ACOXL: variants seen among roughly 807,000 people sequenced by gnomAD.
ACOXL encodes the protein acyl-CoA oxidase like, also known as acyl-coenzyme A oxidase-like protein.
Under a neutral mutation model 71.9 loss-of-function variants are expected in ACOXL, and 70 were observed. The ratio of observed to expected loss-of-function variants is 0.97; its 90% CI spans 0.80 to 1.19. The LOEUF is 1.19. ACOXL is among the 50% of genes most tolerant of loss of function. ACOXL has a pLI of 0.00. For synonymous variants in ACOXL, 253 were observed against 281.6 expected (o/e 0.90, Z 1.02); for missense variants, 703 against 736.3 (o/e 0.95, Z 0.52).
chr2:111,098,393 C>G (rs2068927147), intron 17 of ACOXL: 1 of 152,204 alleles, frequency 6.6e-6, no homozygotes, highest in Admixed American at 6.5e-5. Context: ...TCAAAGTTAT[C>G]CTGGGCCTCA....
intron 14 of ACOXL, among the ~76,000 whole-genome samples, chr2:111,031,096 A>G (rs774297977): frequency 6.6e-6 from 1 of 152,218 alleles, no homozygotes; most frequent in Admixed American, 6.5e-5. Context: ...TGACATCCCC[A>G]TCACTCTGGA....
chr2:111,086,316 C>T (rs1400581453), intron 16 of ACOXL, among the ~76,000 whole-genome samples: 3 of 152,146 alleles, frequency 2.0e-5, no homozygotes, highest in Non-Finnish European at 4.4e-5. Flanking sequence ...AAATACTCAA[C>T]AAAATCTTAG....
At position 110,970,701 on chromosome 2, in the gene ACOXL, G is replaced by A. The variant is rs76140906; in HGVS notation, c.1060-16407G>A. ...AAAACTGTAGCTTTCTGACAAAGTTGCAAAAGCAATCCAGTGGAGGAAAGA... is the reference window on the plus strand; with the variant it reads ...AAAACTGTAGCTTTCTGACAAAGTTACAAAAGCAATCCAGTGGAGGAAAGA... On this transcript the variant is annotated intron_variant, in intron 12 of 17. Coordinates refer to ENST00000439055, the MANE Select transcript of ACOXL (RefSeq NM_001142807.4). 4.2e-3 allele frequency among the ~76,000 whole-genome samples: 645 copies of A among 152,274 alleles called. 24 individuals carry two copies. The East Asian group carries it at 0.078, about 18-fold the overall frequency.
At chr2:110,838,623 A>C (rs2105725385) in intron 9 of ACOXL, among the ~76,000 whole-genome samples, 1 of 152,298 alleles carries the variant, frequency 6.6e-6, no homozygotes, top group Non-Finnish European at 1.5e-5. Context: ...TACATATGGA[A>C]GCTTCTTACA....
Position 110,805,303 on chromosome 2 carries a change from A to G in ACOXL, c.661A>G (p.Ile221Val), listed in dbSNP as rs746913084. 34 of 1,614,096 alleles carry G rather than the reference A, an allele frequency of 2.1e-5. No homozygotes were observed. Among genetic ancestry groups the G allele is most frequent in the East Asian group, 4.5e-5 (2 of 44,890 alleles). ...VAPDGQYHSP[I>V]RNKSARFNAM... ...TCCAGATGGACAGTACCATTCGCCT[A>G]TTAGGAACAAGAGTGCAAGATTCAA... Residue 221 changes from isoleucine to valine, a missense_variant, in exon 9 of 18, where the codon ATT (isoleucine) becomes GTT (valine). Transcript: ENST00000439055.
chr2:111,080,247 T>TTGTC (rs1463965671), intron 16 of ACOXL, among the ~76,000 whole-genome samples: 1 of 152,222 alleles, frequency 6.6e-6, no homozygotes, highest in Non-Finnish European at 1.5e-5. Flanking sequence ...TAGTTATTTC[T>TTGTC]TGTCTTCTGC....
chr2:110,739,622 CAGTT>C (rs1677268480), intron 1 of ACOXL, among the ~76,000 whole-genome samples: 1 of 152,236 alleles, frequency 6.6e-6, no homozygotes, highest in South Asian at 2.1e-4. Context: ...GTGGGTCCCA[CAGTT>C]AGCCTCCCAT....
intron 9 of ACOXL, among the ~76,000 whole-genome samples, chr2:110,808,072 A>G: frequency 6.6e-6 from 1 of 152,128 alleles, no homozygotes; most frequent in East Asian, 1.9e-4. Context: ...GAAATGCCAC[A>G]CCAAATTAAG....
Position 110,768,444 on chromosome 2 carries a change from A to C in ACOXL, c.55A>C (p.Lys19Gln). ...GTTTGCCATGGACCTGCCTCTGTTA[A>C]AACGTGCAGGTCAGGATCTGGTAAG... Reference protein sequence around the residue: ...VKFAMDLPLLKRAGQDLAEKT... With the variant: ...VKFAMDLPLLQRAGQDLAEKT... Residue 19 changes from lysine to glutamine, a missense_variant, in exon 2 of 18, where the codon AAA becomes CAA. Transcript: ENST00000439055. 6.2e-7 allele frequency: 1 copy of C among 1,613,706 alleles called. No homozygotes were observed. The highest frequency in any genetic ancestry group is 1.1e-5 in the South Asian group (1 of 91,058).
At chr2:110,937,664 G>A (rs62159557) in intron 12 of ACOXL, among the ~76,000 whole-genome samples, 33 of 152,300 alleles carry the variant, frequency 2.2e-4, no homozygotes, top group African/African-American at 7.2e-4. Context: ...GTGAAGTGTG[G>A]ACTTGAGTCT....
intron 12 of ACOXL, among the ~76,000 whole-genome samples, chr2:110,946,010 T>C (rs2061093691): frequency 6.6e-6 from 1 of 152,250 alleles, no homozygotes; most frequent in Non-Finnish European, 1.5e-5. Context: ...GTTTGTGTCA[T>C]CTCTGATTTC....
At chr2:110,812,917 G>A (rs1407913325) in intron 9 of ACOXL, among the ~76,000 whole-genome samples, 3 of 152,212 alleles carry the variant, frequency 2.0e-5, no homozygotes, top group African/African-American at 7.2e-5. Context: ...TGGAGCCTCT[G>A]TGGTTACACT....
intron 1 of ACOXL, among the ~76,000 whole-genome samples, chr2:110,749,194 C>T (rs1002533077): frequency 3.3e-5 from 5 of 152,088 alleles, no homozygotes; most frequent in Non-Finnish European, 5.9e-5. Context: ...TTGAGAAAAC[C>T]ATGCACAAAG....
intron 16 of ACOXL, among the ~76,000 whole-genome samples, chr2:111,073,205 A>G (rs1269285363): frequency 6.6e-6 from 1 of 152,166 alleles, no homozygotes; most frequent in African/African-American, 2.4e-5. Flanking sequence ...ATTGTATAGT[A>G]TGTATTTTCA....
chr2:110,737,053 CAT>C (rs910522723), intron 1 of ACOXL, among the ~76,000 whole-genome samples: 1 of 152,190 alleles, frequency 6.6e-6, no homozygotes, highest in Non-Finnish European at 1.5e-5. Context: ...TTCATATACA[CAT>C]GTGCACATCA....
chr2:110,807,083 G>A lies in ACOXL; in HGVS notation c.753+1688G>A, dbSNP rs577082892. 5.3e-5 allele frequency among the ~76,000 whole-genome samples: 8 copies of A among 152,358 alleles called. No individual in the cohort carries two copies. The South Asian group carries it at 1.5e-3, about 28-fold the overall frequency. Reference sequence around the variant, plus strand: ...CCCCTGCCAGGCCCAGGAGGGTCTTGGGGGCCACATTCGCATCAGTTCCTT... The same window carrying A: ...CCCCTGCCAGGCCCAGGAGGGTCTTAGGGGCCACATTCGCATCAGTTCCTT... On this transcript the variant is annotated intron_variant, in intron 9 of 17. Coordinates refer to ENST00000439055, the MANE Select transcript of ACOXL (RefSeq NM_001142807.4).
chr2:111,073,499 G>A (rs1284562564), intron 16 of ACOXL, among the ~76,000 whole-genome samples: 2 of 152,070 alleles, frequency 1.3e-5, no homozygotes, highest in African/African-American at 2.4e-5. Context: ...ATTGACTATT[G>A]TGATATCTGT....
intron 10 of ACOXL, among the ~76,000 whole-genome samples, chr2:110,907,344 G>A (rs1436604371): frequency 6.6e-6 from 1 of 152,144 alleles, no homozygotes; most frequent in Non-Finnish European, 1.5e-5. Flanking sequence ...TAGTCACATT[G>A]GTTGTTAGGG....
intron 15 of ACOXL, among the ~76,000 whole-genome samples, chr2:111,040,029 C>T (rs1370225952): frequency 1.3e-5 from 2 of 152,186 alleles, no homozygotes; most frequent in Non-Finnish European, 2.9e-5. Flanking sequence ...CAGTTTAAGA[C>T]AAAATAAATT....
Sources: allele counts gnomAD v4.1 joint callset (sites outside exome capture counted in the v4.1 genomes callset), GRCh38; gene constraint gnomAD v4.1.1; transcripts MANE v1.5; gene names NCBI Gene and HGNC (gene_info 2026-07-23, HGNC 2026-07-21).